Variants in SLC39A11 observed in about 807,000 individuals in gnomAD.
SLC39A11 encodes the protein solute carrier family 39 member 11.
SLC39A11 carries 33 observed loss-of-function variants against 36.1 expected under a neutral mutation model. The observed-to-expected ratio is 0.91, with a 90% confidence interval of 0.69 to 1.22. SLC39A11 has a LOEUF of 1.22. Ranked by LOEUF, SLC39A11 falls within the 50% of genes most tolerant of loss-of-function variation. The pLI, the probability that SLC39A11 is intolerant of heterozygous loss-of-function variation, is 0.00. For missense variants in SLC39A11, 432 were observed against 430.3 expected (o/e 1.00, Z -0.03); for synonymous variants, 166 against 170.3 (o/e 0.97, Z 0.20).
At chr17:72,886,397 C>T (rs2146640334) in intron 5 of SLC39A11, among the ~76,000 whole-genome samples, 1 of 152,282 alleles carries the variant, frequency 6.6e-6, no homozygotes, top group Admixed American at 6.5e-5. Context: ...TTTCTCCAGC[C>T]ACTCCCTGTA....
chr17:72,824,002 A>G (rs957022906), intron 6 of SLC39A11: 5 of 151,268 alleles, frequency 3.3e-5, no homozygotes, highest in African/African-American at 9.7e-5. Flanking sequence ...AATTTTTTCA[A>G]TGCCAAAGTT....
rs530771020 is a variant in SLC39A11 at position 72,728,357 on chromosome 17, G to A, written c.671+8293C>T. Among the ~76,000 whole-genome samples, 9 of 151,784 alleles carry A rather than the reference G, an allele frequency of 5.9e-5. No homozygotes were observed. In the East Asian group the frequency reaches 6.3e-4, roughly 11 times the overall value. ...GGAGGGATGCTGAGGTGGGAGGATC[G>A]CTTGAGCCCAGGGGGTCGAGGGTGC... On this transcript the variant is annotated intron_variant, in intron 7 of 9. Transcript: ENST00000255559.
At chr17:72,821,573 A>T (rs1364855954) in intron 6 of SLC39A11, 1 of 150,728 alleles carries the variant, frequency 6.6e-6, no homozygotes, top group Non-Finnish European at 1.5e-5. Context: ...TGTGGAAAAA[A>T]AAATCTGAAA....
chr17:72,878,416 G>A (rs2081031250), intron 5 of SLC39A11, among the ~76,000 whole-genome samples: 1 of 152,162 alleles, frequency 6.6e-6, no homozygotes, highest in South Asian at 2.1e-4. Context: ...CCAGCCCCAG[G>A]GGCCTTCTTG....
chr17:72,662,555 A>G (rs1226672734), intron 7 of SLC39A11, among the ~76,000 whole-genome samples: 3 of 125,590 alleles, frequency 2.4e-5, no homozygotes, highest in Non-Finnish European at 1.7e-5. Flanking sequence ...GAAAAGAAAA[A>G]AGAAAAGAAA....
intron 6 of SLC39A11, 42 bp from the exon 7 acceptor site, chr17:72,736,761 T>G: frequency 6.7e-7 from 1 of 1,487,972 alleles, no homozygotes; most frequent in East Asian, 2.3e-5. Flanking sequence ...TAGGAATATT[T>G]CCCCATAAGG....
chr17:72,762,110 C>T (rs908946047), intron 6 of SLC39A11, among the ~76,000 whole-genome samples: 3 of 152,184 alleles, frequency 2.0e-5, no homozygotes, highest in African/African-American at 7.2e-5. Flanking sequence ...AAGAGCAACT[C>T]CATCTTGAAT....
intron 6 of SLC39A11, among the ~76,000 whole-genome samples, chr17:72,824,295 C>T (rs372961820): frequency 1.5e-4 from 23 of 151,348 alleles, no homozygotes; most frequent in East Asian, 3.9e-4. Context: ...GAAGACATGC[C>T]TGCTTACCCT....
At chr17:72,945,550 A>T (rs2147686616) in intron 5 of SLC39A11, among the ~76,000 whole-genome samples, 1 of 152,336 alleles carries the variant, frequency 6.6e-6, no homozygotes, top group East Asian at 1.9e-4. Context: ...TGTCCAGGTG[A>T]GAAGAACAGC....
intron 6 of SLC39A11, among the ~76,000 whole-genome samples, chr17:72,804,812 G>A (rs565818658): frequency 3.5e-4 from 53 of 152,230 alleles, no homozygotes; most frequent in African/African-American, 1.3e-3. Context: ...ACGAGGTCAG[G>A]GGATCAAGAC....
chr17:72,785,293 C>T (rs2144959871), intron 6 of SLC39A11, among the ~76,000 whole-genome samples: 1 of 152,312 alleles, frequency 6.6e-6, no homozygotes, highest in Non-Finnish European at 1.5e-5. Context: ...GTTTTCTCTC[C>T]TCTCTCATTT....
chr17:72,655,203 C>T (rs71377868), intron 7 of SLC39A11, among the ~76,000 whole-genome samples: 16,547 of 152,298 alleles, frequency 0.11, 1,007 homozygotes, highest in African/African-American at 0.15. Flanking sequence ...CACTGCCTAA[C>T]TGGGCTCTCC....
intron 5 of SLC39A11, among the ~76,000 whole-genome samples, chr17:72,906,239 G>C (rs944156223): frequency 1.3e-5 from 2 of 152,244 alleles, no homozygotes; most frequent in Non-Finnish European, 2.9e-5. Context: ...CTGCGGCCAG[G>C]TGACCAGACC....
At chr17:72,738,124 C>T (rs2074512825) in intron 6 of SLC39A11, among the ~76,000 whole-genome samples, 1 of 152,304 alleles carries the variant, frequency 6.6e-6, no homozygotes, top group East Asian at 1.9e-4. Flanking sequence ...CTTGCCTCAG[C>T]CTCCCGAGTA....
At chr17:72,925,082 A>G (rs2083961665) in intron 5 of SLC39A11, among the ~76,000 whole-genome samples, 1 of 151,542 alleles carries the variant, frequency 6.6e-6, no homozygotes, top group Non-Finnish European at 1.5e-5. Flanking sequence ...ATCCCAAGGC[A>G]GGTGGGCCTC....
At chr17:72,834,633 C>CAATAA (rs139007121) in intron 6 of SLC39A11, among the ~76,000 whole-genome samples, 63,143 of 148,172 alleles carry the variant, frequency 0.43, 15,402 homozygotes, top group Non-Finnish European at 0.55. Context: ...ATAAACAAAA[C>CAATAA]AATAAAATAA....
intron 4 of SLC39A11, among the ~76,000 whole-genome samples, chr17:73,008,838 G>C (rs1222345627): frequency 6.6e-6 from 1 of 151,978 alleles, no homozygotes; most frequent in Non-Finnish European, 1.5e-5. Flanking sequence ...AGGATCACTT[G>C]GGCCCAGGAG....
chr17:73,077,132 C>T (rs1165721251), intron 3 of SLC39A11, among the ~76,000 whole-genome samples: 4 of 152,140 alleles, frequency 2.6e-5, no homozygotes, highest in Non-Finnish European at 4.4e-5. Context: ...TGTGACTGCC[C>T]AGGCCACCTG....
intron 4 of SLC39A11, among the ~76,000 whole-genome samples, chr17:72,977,533 A>G (rs2087946877): frequency 6.6e-6 from 1 of 152,174 alleles, no homozygotes; most frequent in Non-Finnish European, 1.5e-5. Context: ...CCTGTCTTGG[A>G]TATCAGAGGC....
Sources: gnomAD v4.1 joint callset for allele counts (sites outside exome capture counted in the v4.1 genomes callset) on GRCh38, gnomAD v4.1.1 for gene constraint, MANE v1.5 for transcripts, NCBI Gene and HGNC (gene_info 2026-07-23, HGNC 2026-07-21) for gene names.